Variants in HPS1 observed in about 807,000 individuals in gnomAD.
The protein encoded by HPS1 is HPS1 biogenesis of lysosomal organelles complex 3 subunit 1.
A neutral mutation model predicts 90.6 loss-of-function variants in HPS1; 59 were observed. The observed-to-expected ratio is 0.65, with a 90% CI of 0.53 to 0.81. HPS1 has a LOEUF of 0.81. Ranked by LOEUF, HPS1 falls within the 30% of genes least tolerant of loss-of-function variation. HPS1 has a pLI of 0.00. For missense variants in HPS1, 849 were observed against 896.7 expected, an observed-to-expected ratio of 0.95 and a Z score of 0.68; for synonymous variants, 388 against 384.4, an observed-to-expected ratio of 1.01 and a Z score of -0.11.
chr10:98,439,412 G>C (rs1382713580), intron 3 of HPS1, among the ~76,000 whole-genome samples: 2 of 152,202 alleles, frequency 1.3e-5, no homozygotes, highest in Non-Finnish European at 2.9e-5. Flanking sequence ...GGCCTTGGGA[G>C]CCCACCTCTT....
intron 14 of HPS1, 68 bp from the exon 15 acceptor site, chr10:98,423,955 A>G (rs1416855141): frequency 6.9e-6 from 11 of 1,587,060 alleles, no homozygotes; most frequent in Non-Finnish European, 9.4e-6. Context: ...TGTGTGGACC[A>G]CCTTGTTCCT....
intron 16 of HPS1, 69 bp downstream of exon 16, chr10:98,423,534 G>C: frequency 7.0e-7 from 1 of 1,420,522 alleles, no homozygotes; most frequent in Admixed American, 1.7e-5. Flanking sequence ...AGTCCCTCCA[G>C]GGAGCAGGTG....
intron 2 of HPS1, among the ~76,000 whole-genome samples, chr10:98,443,447 A>C (rs545543295): frequency 3.9e-5 from 6 of 152,352 alleles, no homozygotes; most frequent in African/African-American, 1.4e-4. Context: ...AGAGCAGGAC[A>C]CAGGCACAGC....
intron 3 of HPS1, among the ~76,000 whole-genome samples, chr10:98,440,128 G>A (rs1211163938): frequency 6.6e-6 from 1 of 152,046 alleles, no homozygotes; most frequent in Non-Finnish European, 1.5e-5. Flanking sequence ...CCCAGTCTTG[G>A]GCATTTCTTT....
At chr10:98,427,377 C>T (rs1845755034) in intron 10 of HPS1, 113 bp from the exon 11 acceptor site, 3 of 858,112 alleles carry the variant, frequency 3.5e-6, no homozygotes, top group Non-Finnish European at 1.9e-6. Context: ...CCCTTGGCTG[C>T]CAGCTCCACG....
chr10:98,426,538 G>A (rs886224726), intron 11 of HPS1, among the ~76,000 whole-genome samples: 3 of 152,206 alleles, frequency 2.0e-5, no homozygotes, highest in African/African-American at 7.2e-5. Context: ...CCTCTTCAGT[G>A]TCATACCTAA....
chr10:98,431,267 G>C lies in HPS1; in HGVS notation c.532C>G (p.Gln178Glu), dbSNP rs1387495283. 3.1e-6 allele frequency: 5 copies of C among 1,613,756 alleles called. No individual in the cohort carries two copies. The highest frequency in any genetic ancestry group is 4.2e-6 in the Non-Finnish European group (5 of 1,180,046). ...VEALERLIHP[Q>E]LCELCIEALE... ...GCCTCTATGCACAGCTCACAGAGCT[G>C]GGGGTGAATCAGTCGCTCCAGGGCC... is the stretch of plus-strand genomic sequence containing the variant. Residue 178 changes from glutamine to glutamate, a missense_variant, in exon 7 of 20, where the codon CAG becomes GAG. Physicochemically the swap from Gln to Glu is conservative, Grantham distance 29 (BLOSUM62 2). Coordinates refer to ENST00000361490, the MANE Select transcript of HPS1 (RefSeq NM_000195.5).
chr10:98,442,135 C>T (rs568466460), intron 3 of HPS1, among the ~76,000 whole-genome samples: 2 of 152,304 alleles, frequency 1.3e-5, no homozygotes, highest in South Asian at 2.1e-4. Flanking sequence ...TAGATTACTA[C>T]TCAATGACAA....
At chr10:98,444,568 C>G (rs1939122095) in intron 2 of HPS1, among the ~76,000 whole-genome samples, 1 of 152,196 alleles carries the variant, frequency 6.6e-6, no homozygotes, top group Non-Finnish European at 1.5e-5. Context: ...GATTAGGAAG[C>G]TCTGCTGTAA....
chr10:98,431,542 CAAGTACA>C (rs1846478202), intron 6 of HPS1, among the ~76,000 whole-genome samples: 1 of 152,186 alleles, frequency 6.6e-6, no homozygotes, highest in Non-Finnish European at 1.5e-5. Context: ...AAGTAAGCAC[CAAGTACA>C]AAATACACAG....
At position 98,423,770 on chromosome 10, in the gene HPS1, T is replaced by C; in HGVS notation, c.1515A>G (p.Gln505=). The C allele has an allele frequency of 6.2e-7, 1 of 1,614,082 alleles. No homozygotes were observed. The highest frequency in any genetic ancestry group is 8.5e-7 in the Non-Finnish European group (1 of 1,180,012). ...GPHLPQHLQD[Q]VQRLMREKLT... is the part of the protein sequence containing the mutation. Reference sequence around the variant, plus strand: ...GCACTTACCGCATGAGCCTCTGCACTTGGTCCTGCAGGTGCTGGGGCAGGT... The same window carrying C: ...GCACTTACCGCATGAGCCTCTGCACCTGGTCCTGCAGGTGCTGGGGCAGGT... The change falls in exon 15 of 20, where the codon CAA becomes CAG. Residue 505 remains glutamine, a synonymous_variant. Transcript: ENST00000361490.
chr10:98,442,008 CAT>C (rs2136315801), intron 3 of HPS1, among the ~76,000 whole-genome samples: 1 of 152,332 alleles, frequency 6.6e-6, no homozygotes, highest in African/African-American at 2.4e-5. Context: ...TCCATGTATA[CAT>C]AGACTTGTAC....
Position 98,417,848 on chromosome 10 carries a change from C to CA in HPS1, c.1941-123dup. ...CCTCGGTCATCTCACTAGGCCCCTG[C>CA]ATGTGGGCCTTGACAACCGCTCCGG... On this transcript the variant is annotated intron_variant, in intron 19 of 19. Transcript: ENST00000361490. The surrounding 1 kb of genome is among the most constrained non-coding windows in gnomAD (Gnocchi z 4.2). The CA allele has an allele frequency of 1.1e-6, 1 of 917,400 alleles. No homozygotes were observed. The highest frequency in any genetic ancestry group is 1.7e-6 in the Non-Finnish European group (1 of 582,110). 56.8% of individuals were successfully genotyped at this position (917,400 alleles called of 1,614,324 possible).
Position 98,445,227 on chromosome 10 carries a change from A to C in HPS1, c.-1+73T>G, listed in dbSNP as rs553482409. The C allele has an allele frequency of 9.2e-5, 14 of 152,624 alleles. No homozygotes were observed. The highest frequency in any genetic ancestry group is 2.1e-4 in the South Asian group (1 of 4,828). 9.5% of individuals were successfully genotyped at this position (152,624 alleles called of 1,614,324 possible). ...CTCAGTCCACTGCCTACCTCATTCC[A>C]TCTGCCTCCCAAAGCCCCAGGGTGG... is the stretch of plus-strand genomic sequence containing the variant. On this transcript the variant is annotated intron_variant, in intron 2 of 19. Transcript: ENST00000361490. This position sits in a 1 kb window ranked among gnomAD's most constrained non-coding sequence, Gnocchi z 4.5.
chr10:98,432,133 G>A (rs1272435967), intron 6 of HPS1, among the ~76,000 whole-genome samples: 1 of 152,166 alleles, frequency 6.6e-6, no homozygotes, highest in African/African-American at 2.4e-5. Flanking sequence ...GACAAGAGAG[G>A]CATAAGATGA....
chr10:98,429,735 G>A (rs1366558280), intron 9 of HPS1, 56 bp downstream of exon 9: 149 of 1,612,984 alleles, frequency 9.2e-5, no homozygotes, highest in Non-Finnish European at 9.2e-5. Flanking sequence ...AGGCCTGGTC[G>A]CCTGCAGAGG....
chr10:98,439,056 A>T (rs567282008), intron 3 of HPS1, among the ~76,000 whole-genome samples: 1 of 152,206 alleles, frequency 6.6e-6, no homozygotes, highest in African/African-American at 2.4e-5. Context: ...GGTGCACATA[A>T]ATCAAAAACT....
Position 98,429,155 on chromosome 10 carries a change from T to C in HPS1, c.937+418A>G, listed in dbSNP as rs80143646. 11,694 of 1,041,154 alleles carry C rather than the reference T, an allele frequency of 0.011. 783 individuals are homozygous for C. The African/African-American group carries it at 0.16, about 14-fold the overall frequency. 64.5% of individuals were successfully genotyped at this position (1,041,154 alleles called of 1,614,324 possible). A position where few individuals can be genotyped will look rare whatever the true frequency, so the allele number is the denominator to read the frequency against. On this transcript the variant is annotated intron_variant, in intron 10 of 19. Coordinates refer to ENST00000361490, the MANE Select transcript of HPS1 (RefSeq NM_000195.5). ...CCACACCTCAACCATTTTGAATATT[T>C]ATAGTTTTTTTTTATTGTTTACCCA...
chr10:98,437,738 A>T (rs1000681206), intron 3 of HPS1, among the ~76,000 whole-genome samples: 1 of 152,236 alleles, frequency 6.6e-6, no homozygotes, highest in African/African-American at 2.4e-5. Context: ...ATGTATCACC[A>T]TCATTAAGCA....
Sources: gnomAD v4.1 joint callset for allele counts (sites outside exome capture counted in the v4.1 genomes callset) on GRCh38, gnomAD v4.1.1 for gene constraint, Gnocchi (gnomAD v3.1) non-coding constraint, MANE v1.5 for transcripts, NCBI Gene and HGNC (gene_info 2026-07-23, HGNC 2026-07-21) for gene names.